Variants in CCDC148 observed in about 807,000 individuals in gnomAD.
CCDC148 encodes coiled-coil domain containing 148, also known as coiled-coil domain-containing protein 148.
CCDC148 carries 89 observed loss-of-function variants against 85.7 expected under a neutral mutation model. That is an observed-to-expected ratio of 1.04 (90% CI 0.87 to 1.24). The LOEUF (loss-of-function observed/expected upper bound fraction) is 1.24, where lower values mean the gene tolerates loss of function less well. Ranked by LOEUF, CCDC148 falls within the 50% of genes most tolerant of loss-of-function variation. The probability of loss-of-function intolerance (pLI) is 0.00; values close to 1 mark genes in which losing one functional copy is unlikely to be tolerated. For synonymous variants in CCDC148, 230 were observed against 213.9 expected (o/e 1.08, Z -0.66); for missense variants, 692 against 671.7 (o/e 1.03, Z -0.33).
intron 1 of CCDC148, among the ~76,000 whole-genome samples, chr2:158,444,772 G>A (rs191415773): frequency 0.01 from 1,226 of 116,994 alleles, 14 homozygotes; most frequent in Non-Finnish European, 0.016. Flanking sequence ...GTGACAGAGC[G>A]AGACCCTGTC....
intron 1 of CCDC148, chr2:158,419,947 A>C (rs1686691953): frequency 6.6e-6 from 1 of 152,206 alleles, no homozygotes; most frequent in South Asian, 2.1e-4. Context: ...AAATACAGAA[A>C]TAGTTGCTCT....
chr2:158,377,286 G>C (rs368376294), intron 1 of CCDC148, among the ~76,000 whole-genome samples: 1 of 151,750 alleles, frequency 6.6e-6, no homozygotes, highest in Non-Finnish European at 1.5e-5. Context: ...GGTGTGGGGG[G>C]GGTGGGGTAC....
chr2:158,354,906 A>T (rs1274019940), intron 2 of CCDC148, among the ~76,000 whole-genome samples: 1 of 151,930 alleles, frequency 6.6e-6, no homozygotes, highest in Non-Finnish European at 1.5e-5. Context: ...CATCCCTGGG[A>T]TGCAAGGCTG....
At chr2:158,234,508 A>T (rs1688008582) in intron 10 of CCDC148, among the ~76,000 whole-genome samples, 1 of 152,214 alleles carries the variant, frequency 6.6e-6, no homozygotes, top group South Asian at 2.1e-4. Context: ...AATAAAAATA[A>T]GAAAATAACT....
At chr2:158,248,386 C>G (rs1050090251) in intron 10 of CCDC148, among the ~76,000 whole-genome samples, 1 of 151,896 alleles carries the variant, frequency 6.6e-6, no homozygotes, top group Non-Finnish European at 1.5e-5. Context: ...GTACTAATGT[C>G]TATATCATAT....
At chr2:158,197,901 A>G (rs1302258611) in intron 11 of CCDC148, among the ~76,000 whole-genome samples, 1 of 130,716 alleles carries the variant, frequency 7.7e-6, no homozygotes, top group Non-Finnish European at 1.5e-5. Flanking sequence ...AATTAATTCT[A>G]ATGAATTAAT....
intron 7 of CCDC148, among the ~76,000 whole-genome samples, chr2:158,314,718 T>C (rs1169635480): frequency 1.3e-5 from 2 of 152,248 alleles, no homozygotes; most frequent in Non-Finnish European, 2.9e-5. Flanking sequence ...ATTATTCCTG[T>C]TTAATAAATT....
intron 10 of CCDC148, among the ~76,000 whole-genome samples, chr2:158,226,058 C>G (rs1196594787): frequency 6.6e-6 from 1 of 151,958 alleles, no homozygotes; most frequent in Admixed American, 6.6e-5. Context: ...AGACTGCTAG[C>G]AAGACTAATA....
intron 9 of CCDC148, among the ~76,000 whole-genome samples, chr2:158,282,392 C>T (rs1053328107): frequency 2.0e-5 from 3 of 152,154 alleles, no homozygotes; most frequent in African/African-American, 7.2e-5. Flanking sequence ...TTGTCTCAGA[C>T]CAAAATCTCC....
At chr2:158,374,463 T>C (rs1387395509) in intron 1 of CCDC148, among the ~76,000 whole-genome samples, 1 of 152,026 alleles carries the variant, frequency 6.6e-6, no homozygotes, top group East Asian at 1.9e-4. Context: ...ACATACCATA[T>C]GATACCATTA....
At chr2:158,190,847 T>C (rs908123537) in intron 11 of CCDC148, among the ~76,000 whole-genome samples, 6 of 152,114 alleles carry the variant, frequency 3.9e-5, no homozygotes, top group African/African-American at 1.4e-4. Flanking sequence ...GAGAGGTTTT[T>C]TTCAGCTGAA....
At chr2:158,264,514 C>G (rs1486169490) in intron 9 of CCDC148, among the ~76,000 whole-genome samples, 1 of 152,032 alleles carries the variant, frequency 6.6e-6, no homozygotes, top group South Asian at 2.1e-4. Context: ...GATATGTGTG[C>G]ATTTTCTGAA....
At chr2:158,365,321 A>G (rs543148067) in intron 1 of CCDC148, among the ~76,000 whole-genome samples, 1 of 152,302 alleles carries the variant, frequency 6.6e-6, no homozygotes, top group South Asian at 2.1e-4. Flanking sequence ...TACCCAGAGG[A>G]TTATAAATCA....
intron 11 of CCDC148, among the ~76,000 whole-genome samples, chr2:158,215,528 CTTTTTCTTT>C (rs978961472): frequency 2.6e-5 from 4 of 151,492 alleles, no homozygotes; most frequent in East Asian, 1.9e-4. Flanking sequence ...AAGGAGGCAC[CTTTTTCTTT>C]TTTTTCTTTT....
chr2:158,337,134 G>C (rs1682428994), intron 7 of CCDC148, among the ~76,000 whole-genome samples: 1 of 152,130 alleles, frequency 6.6e-6, no homozygotes, highest in African/African-American at 2.4e-5. Flanking sequence ...AGGAAAATGG[G>C]CTGTGAAGAA....
chr2:158,336,084 T>C (rs192221099), intron 7 of CCDC148, among the ~76,000 whole-genome samples: 1 of 152,240 alleles, frequency 6.6e-6, no homozygotes, highest in Admixed American at 6.5e-5. Flanking sequence ...ATGCACACAC[T>C]TCCACATACA....
At chr2:158,335,028 A>G (rs1422321246) in intron 7 of CCDC148, among the ~76,000 whole-genome samples, 1 of 152,156 alleles carries the variant, frequency 6.6e-6, no homozygotes, top group African/African-American at 2.4e-5. Context: ...TAGAAAGCCA[A>G]GTCACACTGG....
chr2:158,271,312 C>T (rs923099602), intron 9 of CCDC148, among the ~76,000 whole-genome samples: 2 of 152,182 alleles, frequency 1.3e-5, no homozygotes, highest in Non-Finnish European at 2.9e-5. Context: ...TCACTTTCCA[C>T]AGTTTCAGTT....
chr2:158,431,879 A>G (rs1052228018), intron 1 of CCDC148, among the ~76,000 whole-genome samples: 7 of 152,102 alleles, frequency 4.6e-5, no homozygotes, highest in Non-Finnish European at 8.8e-5. Flanking sequence ...TGGAGGTTGC[A>G]TGAGTCAAGA....
Sources: gnomAD v4.1 joint callset for allele counts (sites outside exome capture counted in the v4.1 genomes callset) on GRCh38, gnomAD v4.1.1 for gene constraint, MANE v1.5 for transcripts, NCBI Gene and HGNC (gene_info 2026-07-23, HGNC 2026-07-21) for gene names.